Variants in MTUS1 observed in about 807,000 individuals in gnomAD.
The protein encoded by MTUS1 is microtubule associated scaffold protein 1.
MTUS1 carries 109 observed loss-of-function variants against 120.8 expected under a neutral mutation model. The observed-to-expected ratio is 0.90, with a 90% confidence interval of 0.77 to 1.06. The LOEUF (loss-of-function observed/expected upper bound fraction) is 1.06. Among genes scored for constraint, MTUS1 ranks in the 50% least tolerant of loss-of-function variants. MTUS1 has a pLI of 0.00. For synonymous variants in MTUS1, 737 were observed against 550.5 expected, an observed-to-expected ratio of 1.34 and a Z score of -4.74; for missense variants, 2,210 against 1,486.3, an observed-to-expected ratio of 1.49 and a Z score of -8.01.
chr8:17,691,102 T>C (rs996240951), intron 6 of MTUS1, among the ~76,000 whole-genome samples: 3 of 152,220 alleles, frequency 2.0e-5, no homozygotes, highest in African/African-American at 7.2e-5. Context: ...CCAGTGTCTC[T>C]TGATGAAAAA....
intron 6 of MTUS1, among the ~76,000 whole-genome samples, chr8:17,700,467 C>CCAAAAAAAAAAA (rs1554493359): frequency 1.4e-5 from 1 of 73,486 alleles, no homozygotes; most frequent in Admixed American, 1.7e-4. Flanking sequence ...CAAAACTCCT[C>CCAAAAAAAAAAA]AAAAAAAAAA....
chr8:17,709,686 T>C (rs1253423037), intron 6 of MTUS1, among the ~76,000 whole-genome samples: 3 of 152,114 alleles, frequency 2.0e-5, no homozygotes, highest in Non-Finnish European at 2.9e-5. Context: ...TATAGTCTAG[T>C]GTGCAACAGC....
intron 8 of MTUS1, among the ~76,000 whole-genome samples, chr8:17,659,702 C>G (rs771931931): frequency 3.3e-5 from 5 of 151,900 alleles, no homozygotes; most frequent in Non-Finnish European, 7.4e-5. Context: ...ATCTCAAAAA[C>G]AAAAACAAAA....
chr8:17,763,448 C>A (rs1256858851), intron 1 of MTUS1, among the ~76,000 whole-genome samples: 11 of 152,192 alleles, frequency 7.2e-5, no homozygotes, highest in Admixed American at 7.2e-4. Context: ...ATTCCTTCCA[C>A]GTGGAGGGAG....
At chr8:17,685,613 C>T (rs2130783468) in intron 6 of MTUS1, among the ~76,000 whole-genome samples, 1 of 152,228 alleles carries the variant, frequency 6.6e-6, no homozygotes. Flanking sequence ...CAAGCTACTA[C>T]AGTGATTGCT....
At chr8:17,694,827 A>G (rs1563216853) in intron 6 of MTUS1, among the ~76,000 whole-genome samples, 1 of 152,192 alleles carries the variant, frequency 6.6e-6, no homozygotes, top group Non-Finnish European at 1.5e-5. Flanking sequence ...TTCCAAGCAG[A>G]GTAATACACT....
At chr8:17,676,504 C>T in intron 7 of MTUS1, 5 of 595,184 alleles carry the variant, frequency 8.4e-6, no homozygotes, top group Non-Finnish European at 1.5e-5. Context: ...CCTCGGATTC[C>T]TCACTCACAG....
intron 6 of MTUS1, chr8:17,705,816 C>T (rs945931159): frequency 2.6e-5 from 4 of 152,274 alleles, no homozygotes; most frequent in African/African-American, 7.2e-5. Flanking sequence ...GGCAGACACT[C>T]TGGCACCTGA....
chr8:17,728,272 C>T (rs190610715), intron 3 of MTUS1, among the ~76,000 whole-genome samples: 14 of 152,208 alleles, frequency 9.2e-5, no homozygotes, highest in South Asian at 2.1e-4. Context: ...ACACCACACC[C>T]GGCTAATTTT....
intron 4 of MTUS1, chr8:17,721,711 C>CT (rs35946468): frequency 1.6e-5 from 25 of 1,553,256 alleles, no homozygotes; most frequent in Admixed American, 3.9e-5. Flanking sequence ...CGTCGACCTA[C>CT]TTTTTTTCCC....
chr8:17,742,272 TTTTTTTTTTGTTGTTG>T (rs562265031), intron 3 of MTUS1, among the ~76,000 whole-genome samples: 79 of 124,940 alleles, frequency 6.3e-4, no homozygotes, highest in Admixed American at 9.6e-4. Flanking sequence ...CCCAGCTGTT[TTTTTTTTTTGTTGTTG>T]TTGTTTTTTT....
intron 3 of MTUS1, among the ~76,000 whole-genome samples, chr8:17,725,670 T>A (rs1433355165): frequency 6.6e-6 from 1 of 152,178 alleles, no homozygotes; most frequent in African/African-American, 2.4e-5. Context: ...CATGACCCAA[T>A]CTAAAATTTG....
intron 3 of MTUS1, among the ~76,000 whole-genome samples, chr8:17,735,171 C>A (rs565712706): frequency 6.6e-6 from 1 of 152,332 alleles, no homozygotes; most frequent in South Asian, 2.1e-4. Context: ...ACATACCCCT[C>A]TGAGGTGCTT....
intron 6 of MTUS1, among the ~76,000 whole-genome samples, chr8:17,699,737 T>A (rs1180795035): frequency 6.6e-6 from 1 of 152,228 alleles, no homozygotes; most frequent in Non-Finnish European, 1.5e-5. Context: ...GTCTGCCTCC[T>A]GGTGGCCGTG....
chr8:17,647,901 C>T (rs930796910), intron 13 of MTUS1, among the ~76,000 whole-genome samples: 16 of 152,284 alleles, frequency 1.1e-4, no homozygotes, highest in African/African-American at 2.9e-4. Flanking sequence ...GCAGGACTAA[C>T]GCGCTTTGAG....
At chr8:17,653,645 C>A in intron 10 of MTUS1, 147 bp from the exon 11 acceptor site, 1 of 612,636 alleles carries the variant, frequency 1.6e-6, no homozygotes, top group Non-Finnish European at 2.7e-6. Flanking sequence ...TGTAAATTGG[C>A]CATCTGTTCT....
At chr8:17,678,094 T>C (rs565174110) in intron 7 of MTUS1, among the ~76,000 whole-genome samples, 89 of 152,238 alleles carry the variant, frequency 5.8e-4, no homozygotes, top group East Asian at 3.1e-3. Flanking sequence ...ATAGATGAAA[T>C]GCTGACCCCA....
chr8:17,752,602 C>G (rs2048284737), intron 2 of MTUS1, among the ~76,000 whole-genome samples: 1 of 151,896 alleles, frequency 6.6e-6, no homozygotes. Context: ...CTAACCTTGT[C>G]TTCTAAACGG....
chr8:17,708,336 A>G (rs1820568159), intron 6 of MTUS1, among the ~76,000 whole-genome samples: 1 of 152,262 alleles, frequency 6.6e-6, no homozygotes, highest in Admixed American at 6.5e-5. Context: ...ATGGCCAGTA[A>G]GCACACGAAA....
Sources: allele counts gnomAD v4.1 joint callset (sites outside exome capture counted in the v4.1 genomes callset), GRCh38; gene constraint gnomAD v4.1.1; transcripts MANE v1.5; gene names NCBI Gene and HGNC (gene_info 2026-07-23, HGNC 2026-07-21).